Variants in STRN observed in about 807,000 individuals in gnomAD.
STRN encodes protein phosphatase 2 regulatory subunit B'''alpha.
STRN carries 53 observed loss-of-function variants against 96.3 expected under a neutral mutation model. The ratio of observed to expected loss-of-function variants is 0.55; its 90% confidence interval spans 0.44 to 0.69. STRN has a LOEUF of 0.69. Among genes scored for constraint, STRN ranks in the 30% least tolerant of loss-of-function variants. The pLI, the probability that STRN is intolerant of heterozygous loss-of-function variation, is 0.00. For synonymous variants in STRN, 428 were observed against 355.9 expected (o/e 1.20, Z -2.28); for missense variants, 987 against 963.9 (o/e 1.02, Z -0.32).
In STRN at chr2:36,922,297, C is replaced by T. The variant is rs573458926; in HGVS notation, c.338+2808G>A. 3.9e-5 allele frequency among the ~76,000 whole-genome samples: 6 copies of T among 152,092 alleles called. No individual in the cohort carries two copies. In the South Asian group the frequency reaches 1.3e-3, roughly 32 times the overall value. On this transcript the variant is annotated intron_variant, in intron 2 of 17. Transcript: ENST00000263918. ...ACTTTAAGAGGCTACAGCAGGAGGA[C>T]TGCTTGAGCCCAGGAGGTCCAGACC...
intron 1 of STRN, among the ~76,000 whole-genome samples, chr2:36,927,376 G>A (rs1258751445): frequency 1.3e-5 from 2 of 152,038 alleles, no homozygotes; most frequent in African/African-American, 4.8e-5. Flanking sequence ...AGGCATGGTG[G>A]CATGTGTCTG....
chr2:36,881,889 C>A (rs1351522419), intron 9 of STRN, among the ~76,000 whole-genome samples: 1 of 152,112 alleles, frequency 6.6e-6, no homozygotes, highest in African/African-American at 2.4e-5. Context: ...GGGATTAATG[C>A]AACTGATTAG....
At chr2:36,937,623 A>G (rs569813063) in intron 1 of STRN, among the ~76,000 whole-genome samples, 3 of 151,930 alleles carry the variant, frequency 2.0e-5, no homozygotes, top group East Asian at 1.9e-4. Context: ...ACAGTGAGTC[A>G]TGTTTGTACA....
chr2:36,912,983 A>G (rs1670003049), intron 3 of STRN, among the ~76,000 whole-genome samples: 2 of 152,238 alleles, frequency 1.3e-5, no homozygotes, highest in Non-Finnish European at 2.9e-5. Flanking sequence ...AGAGAAGATC[A>G]GCATAAAATC....
chr2:36,908,119 C>T (rs968667442), intron 3 of STRN, among the ~76,000 whole-genome samples: 5 of 152,112 alleles, frequency 3.3e-5, no homozygotes, highest in Non-Finnish European at 7.4e-5. Flanking sequence ...TTCCAATATA[C>T]CCCCTTCTTA....
chr2:36,851,791 G>A (rs1668228381), intron 15 of STRN, among the ~76,000 whole-genome samples: 1 of 152,128 alleles, frequency 6.6e-6, no homozygotes, highest in Admixed American at 6.5e-5. Flanking sequence ...TGCATACAAA[G>A]TTCTGTATCA....
At chr2:36,911,561 A>G (rs1157810551) in intron 3 of STRN, among the ~76,000 whole-genome samples, 1 of 152,162 alleles carries the variant, frequency 6.6e-6, no homozygotes, top group Non-Finnish European at 1.5e-5. Flanking sequence ...AACAGCCTGC[A>G]AAACCCAAAA....
intron 5 of STRN, among the ~76,000 whole-genome samples, chr2:36,901,614 G>A (rs367894859): frequency 6.7e-6 from 1 of 149,194 alleles, no homozygotes; most frequent in South Asian, 2.1e-4. Flanking sequence ...ATTAAACCCA[G>A]AACATAAAAA....
chr2:36,927,177 T>C (rs980340756), intron 1 of STRN, among the ~76,000 whole-genome samples: 1 of 152,048 alleles, frequency 6.6e-6, no homozygotes, highest in African/African-American at 2.4e-5. Context: ...TTACTGTATA[T>C]GTTCAACTTC....
chr2:36,912,541 G>A (rs1454255805), intron 3 of STRN, among the ~76,000 whole-genome samples: 1 of 152,078 alleles, frequency 6.6e-6, no homozygotes, highest in Non-Finnish European at 1.5e-5. Context: ...TACTGTTAAT[G>A]TACTCTGTAT....
chr2:36,962,723 G>C (rs184093043), intron 1 of STRN, among the ~76,000 whole-genome samples: 1 of 152,012 alleles, frequency 6.6e-6, no homozygotes, highest in East Asian at 1.9e-4. Context: ...TGGCCAGGAC[G>C]GTCTCGATAT....
At chr2:36,933,974 T>G (rs1670638793) in intron 1 of STRN, among the ~76,000 whole-genome samples, 1 of 151,726 alleles carries the variant, frequency 6.6e-6, no homozygotes, top group South Asian at 2.1e-4. Context: ...TACCCGGGTG[T>G]GGTGGCGGGC....
At chr2:36,933,707 C>T (rs908355383) in intron 1 of STRN, among the ~76,000 whole-genome samples, 31 of 152,150 alleles carry the variant, frequency 2.0e-4, no homozygotes, top group African/African-American at 6.8e-4. Flanking sequence ...TGGGCTCAGG[C>T]GATTCTCCTG....
chr2:36,866,229 C>T (rs1668619038), intron 12 of STRN, among the ~76,000 whole-genome samples: 1 of 152,064 alleles, frequency 6.6e-6, no homozygotes, highest in South Asian at 2.1e-4. Flanking sequence ...AACACGTCAC[C>T]ACTAGTGGCT....
At chr2:36,883,350 A>G (rs1428737838) in intron 9 of STRN, among the ~76,000 whole-genome samples, 1 of 152,178 alleles carries the variant, frequency 6.6e-6, no homozygotes, top group Non-Finnish European at 1.5e-5. Flanking sequence ...TCAGCTACTC[A>G]GGAGGCTAAG....
intron 2 of STRN, among the ~76,000 whole-genome samples, chr2:36,924,440 A>G (rs1670355605): frequency 6.6e-6 from 1 of 152,064 alleles, no homozygotes; most frequent in South Asian, 2.1e-4. Context: ...ATCAAATTGA[A>G]TAATATTAAA....
chr2:36,883,400 C>G (rs1423985831), intron 9 of STRN, among the ~76,000 whole-genome samples: 3 of 151,966 alleles, frequency 2.0e-5, no homozygotes, highest in Middle Eastern at 3.4e-3. Flanking sequence ...GAGGTTGTAG[C>G]GAGCCAAGGT....
rs774860485 is a variant in STRN at position 36,886,847 on chromosome 2, G to C, written c.932-21C>G. The C allele has an allele frequency of 1.6e-5, 26 of 1,584,028 alleles. 1 individual carries two copies. Among genetic ancestry groups the C allele is most frequent in the South Asian group, 1.6e-4 (14 of 87,460 alleles). On this transcript the variant is annotated intron_variant, in intron 7 of 17. Transcript: ENST00000263918. ...CTTTTCTAAACAGAGTGAAACAAAT[G>C]AAACAGCCTTTTTCAATAAAATATT...
intron 1 of STRN, among the ~76,000 whole-genome samples, chr2:36,953,798 A>G (rs1664816506): frequency 6.6e-6 from 1 of 152,182 alleles, no homozygotes; most frequent in South Asian, 2.1e-4. Flanking sequence ...CAGTTAACAT[A>G]TTATTCTGTT....
Sources: gnomAD v4.1 joint callset for allele counts (sites outside exome capture counted in the v4.1 genomes callset) on GRCh38, gnomAD v4.1.1 for gene constraint, MANE v1.5 for transcripts, NCBI Gene and HGNC (gene_info 2026-07-23, HGNC 2026-07-21) for gene names.